FAM47E: variants seen among roughly 807,000 people sequenced by gnomAD.
FAM47E encodes protein FAM47E.
A neutral mutation model predicts 41.6 loss-of-function variants in FAM47E; 32 were observed. The observed-to-expected ratio is 0.77, with a 90% CI of 0.58 to 1.03. FAM47E has a LOEUF of 1.03. FAM47E is among the 50% of genes least tolerant of loss of function. The pLI, the probability that FAM47E is intolerant of heterozygous loss-of-function variation, is 0.00. For synonymous variants in FAM47E, 184 were observed against 188.7 expected, an observed-to-expected ratio of 0.98 and a Z score of 0.20; for missense variants, 424 against 485.4, an observed-to-expected ratio of 0.87 and a Z score of 1.19.
At chr4:76,282,934 C>T (rs887905364) in intron 7 of FAM47E, 1 of 155,284 alleles carries the variant, frequency 6.4e-6, no homozygotes, top group Non-Finnish European at 1.4e-5. Flanking sequence ...TTACTTAAAT[C>T]TATATGTGAA....
intron 2 of FAM47E, among the ~76,000 whole-genome samples, chr4:76,229,251 GT>G (rs1430428259): frequency 6.6e-6 from 1 of 152,012 alleles, no homozygotes; most frequent in African/African-American, 2.4e-5. Flanking sequence ...GTCTTGTATT[GT>G]TTTTTAAATT....
intron 2 of FAM47E, among the ~76,000 whole-genome samples, chr4:76,257,821 T>C (rs999915821): frequency 6.6e-6 from 1 of 152,116 alleles, no homozygotes; most frequent in African/African-American, 2.4e-5. Flanking sequence ...TTGCCACCAC[T>C]GAGCTCCTCC....
upstream of FAM47E, chr4:76,251,567 G>C (rs991497914): frequency 2.4e-6 from 3 of 1,238,648 alleles, no homozygotes; most frequent in Non-Finnish European, 3.1e-6. Context: ...CCCTTCCCTC[G>C]GCCAGGTCCA....
chr4:76,279,279 ACAT>A (rs1735253665), intron 6 of FAM47E: 1 of 152,238 alleles, frequency 6.6e-6, no homozygotes, highest in African/African-American at 2.4e-5. Context: ...ATAAAAGGTA[ACAT>A]CATTTTTTCT....
At chr4:76,241,570 A>C (rs946695623) in intron 2 of FAM47E, among the ~76,000 whole-genome samples, 4 of 152,096 alleles carry the variant, frequency 2.6e-5, no homozygotes, top group African/African-American at 9.7e-5. Context: ...ACTATTGGCT[A>C]TTACTGTGCT....
rs772084828 is a variant in FAM47E at position 76,271,619 on chromosome 4, T to C, written c.721T>C (p.Tyr241His). Residue 241 changes from tyrosine (Y) to histidine (H), a missense_variant, in exon 5 of 8, where the codon TAT becomes CAT. Tyr to His is a moderately conservative substitution (Grantham distance 83). Coordinates refer to ENST00000424749, the MANE Select transcript of FAM47E (RefSeq NM_001136570.3). The part of the protein sequence containing the change: ...EFILKQFDID[Y>H]ETKPSHDALH... ...CATCTTGAAACAGTTTGACATTGAC[T>C]ATGAGACCAAACCAAGCCATGATGC... 4.1e-5 allele frequency: 64 copies of C among 1,552,066 alleles called. No homozygotes were observed. The highest frequency in any genetic ancestry group is 2.5e-4 in the Admixed American group (13 of 50,994).
At chr4:76,242,786 A>AT (rs745736297) in intron 2 of FAM47E, among the ~76,000 whole-genome samples, 1 of 152,218 alleles carries the variant, frequency 6.6e-6, no homozygotes, top group Non-Finnish European at 1.5e-5. Context: ...TTAAAATCAT[A>AT]TTTTTTATGT....
chr4:76,251,901 G>C lies in FAM47E; in HGVS notation c.74+81G>C, dbSNP rs993513662. ...CCTGGAGACCCGCGCTTGCTGGGGC[G>C]GGGGCGAGGGGAGAGGTCCAGCCTG... On this transcript the variant is annotated intron_variant, in intron 1 of 7. Transcript: ENST00000424749. 21 of 1,349,452 alleles carry C rather than the reference G, an allele frequency of 1.6e-5. No homozygotes were observed. The South Asian group carries it at 3.9e-4, about 25-fold the overall frequency. 83.6% of individuals were successfully genotyped at this position (1,349,452 alleles called of 1,614,324 possible).
At chr4:76,254,526 A>C (rs1438345577) in intron 1 of FAM47E, among the ~76,000 whole-genome samples, 1 of 152,122 alleles carries the variant, frequency 6.6e-6, no homozygotes, top group Admixed American at 6.5e-5. Flanking sequence ...CCTTTCATCT[A>C]GATCTTCACA....
At chr4:76,242,988 C>T (rs1414416520) in intron 2 of FAM47E, among the ~76,000 whole-genome samples, 1 of 152,158 alleles carries the variant, frequency 6.6e-6, no homozygotes, top group Non-Finnish European at 1.5e-5. Context: ...GCTGTTAGGT[C>T]TATTTTACTG....
rs552976600 is a variant in FAM47E, at chr4:76,235,040, G to T, written c.81+17352G>T. On this transcript the variant is annotated intron_variant, in intron 2 of 7. Coordinates refer to the FAM47E transcript ENST00000510197. ...AAATAAACATAAAAATAAATTGGCCGGTCGCGGTGGCTCACACCTGTAATC... is the reference window on the plus strand; with the variant it reads ...AAATAAACATAAAAATAAATTGGCCTGTCGCGGTGGCTCACACCTGTAATC... Among the ~76,000 whole-genome samples, 193 of 152,206 alleles carry T rather than the reference G, an allele frequency of 1.3e-3. 1 individual carries two copies. The highest frequency in any genetic ancestry group is 2.8e-3 in the Admixed American group (43 of 15,292).
In FAM47E at chr4:76,276,222, C is replaced by G. The variant is rs532548561; in HGVS notation, c.871-1847C>G. 7.7e-4 allele frequency among the ~76,000 whole-genome samples: 117 copies of G among 152,048 alleles called. 1 individual carries two copies. The highest frequency in any genetic ancestry group is 3.4e-3 in the Middle Eastern group (1 of 292). ...GGGAGATGTAGCTGGGAATAATTTCCGAAGCTTATATTTTAGAGAACAAGA... is the reference window on the plus strand; with the variant it reads ...GGGAGATGTAGCTGGGAATAATTTCGGAAGCTTATATTTTAGAGAACAAGA... On this transcript the variant is annotated intron_variant, in intron 5 of 7. Transcript: ENST00000424749.
At chr4:76,282,083 G>GTACATT (rs1456735775) in intron 7 of FAM47E, 2 of 146,066 alleles carry the variant, frequency 1.4e-5, no homozygotes, top group African/African-American at 5.0e-5. Flanking sequence ...TAGAAGTACA[G>GTACATT]TGTACAGAGA....
Position 76,273,856 on chromosome 4 carries a change from A to ATT in FAM47E, c.870+2096_870+2097dup, listed in dbSNP as rs34537987. On this transcript the variant is annotated intron_variant, in intron 5 of 7. Coordinates refer to ENST00000424749, the MANE Select transcript of FAM47E (RefSeq NM_001136570.3). The stretch of plus-strand genomic sequence containing the variant: ...CTATGGCTATGTCGTTAAATTCTCT[A>ATT]TTTTTTTTTCTGCAATGTCTAATCT... 4.1e-5 allele frequency among the ~76,000 whole-genome samples: 6 copies of ATT among 146,516 alleles called. No individual in the cohort carries two copies. The South Asian group carries it at 6.4e-4, about 16-fold the overall frequency.
At chr4:76,253,569 T>A (rs974527089) in intron 1 of FAM47E, among the ~76,000 whole-genome samples, 1 of 152,138 alleles carries the variant, frequency 6.6e-6, no homozygotes, top group Non-Finnish European at 1.5e-5. Flanking sequence ...TGAGAGGCCA[T>A]GTGGGGGAGA....
At chr4:76,243,583 A>G (rs559984118) in intron 2 of FAM47E, among the ~76,000 whole-genome samples, 1 of 152,292 alleles carries the variant, frequency 6.6e-6, no homozygotes, top group East Asian at 1.9e-4. Context: ...GCATTGCTTA[A>G]TCTTAAATTC....
intron 2 of FAM47E, among the ~76,000 whole-genome samples, chr4:76,238,783 A>G (rs1261635425): frequency 6.6e-6 from 1 of 152,142 alleles, no homozygotes; most frequent in Non-Finnish European, 1.5e-5. Context: ...AAAATTTACT[A>G]TCTTAATCAT....
chr4:76,251,723 G>C lies in FAM47E; in HGVS notation c.-24G>C. The C allele has an allele frequency of 6.8e-7, 1 of 1,468,892 alleles. No homozygotes were observed. Among genetic ancestry groups the C allele is most frequent in the Non-Finnish European group, 9.0e-7 (1 of 1,116,700 alleles). 91.0% of individuals were successfully genotyped at this position (1,468,892 alleles called of 1,614,324 possible). On this transcript the variant is annotated 5_prime_UTR_variant, in exon 1 of 8. Transcript: ENST00000424749. ...GCACACACACCGCCCAAGCCCGGAC[G>C]GTGGCCGCGAAGCTAGGGCCACCAT...
intron 7 of FAM47E, chr4:76,281,681 G>A (rs564387739): frequency 6.6e-6 from 1 of 151,218 alleles, no homozygotes; most frequent in Non-Finnish European, 1.5e-5. Flanking sequence ...TTTTCATTTT[G>A]ATGTGTTCCC....
Sources: allele counts gnomAD v4.1 joint callset (sites outside exome capture counted in the v4.1 genomes callset), GRCh38; gene constraint gnomAD v4.1.1; transcripts MANE v1.5; gene names NCBI Gene and HGNC (gene_info 2026-07-23, HGNC 2026-07-21).